Variants in SNX10 observed in about 807,000 individuals in gnomAD.
SNX10 encodes sorting nexin 10, also known as sorting nexin-10.
In SNX10, 25 loss-of-function variants were observed where a neutral mutation model predicts 28.5. The ratio of observed to expected loss-of-function variants is 0.88; its 90% CI spans 0.64 to 1.22. SNX10 has a LOEUF of 1.22. Among genes scored for constraint, SNX10 ranks in the 50% most tolerant of loss-of-function variants. The pLI is 0.00. For missense variants in SNX10, 223 were observed against 242.6 expected (o/e 0.92, Z 0.54); for synonymous variants, 62 against 81.4 (o/e 0.76, Z 1.28).
intron 2 of SNX10, among the ~76,000 whole-genome samples, chr7:26,356,267 C>T (rs1361698620): frequency 6.6e-6 from 1 of 152,178 alleles, no homozygotes; most frequent in African/African-American, 2.4e-5. Context: ...TTTAATTCCA[C>T]TCTGCCTGGC....
Position 26,309,279 on chromosome 7 carries a change from CAGTG to C in SNX10, c.-24+17196_-24+17199del, listed in dbSNP as rs543716828. 2.0e-5 allele frequency among the ~76,000 whole-genome samples: 3 copies of C among 151,862 alleles called. No individual in the cohort carries two copies. The East Asian group carries it at 5.8e-4, about 29-fold the overall frequency. On this transcript the variant is annotated intron_variant, in intron 1 of 6. Coordinates refer to ENST00000338523, the MANE Select transcript of SNX10 (RefSeq NM_013322.3). ...TCAGTGCAGTTCTTCTGGCACATCACAGTGAGCATTGCGTTAGAAGTGGCCTGTT... is the reference window on the plus strand; with the variant it reads ...TCAGTGCAGTTCTTCTGGCACATCACAGCATTGCGTTAGAAGTGGCCTGTT...
intron 1 of SNX10, among the ~76,000 whole-genome samples, chr7:26,324,234 G>A (rs981439313): frequency 1.3e-5 from 2 of 151,630 alleles, no homozygotes; most frequent in African/African-American, 4.8e-5. Flanking sequence ...TTGTGAAAAC[G>A]CTTATGATTA....
In SNX10 at chr7:26,347,406, G is replaced by C. The variant is rs1788431084; in HGVS notation, c.24+940G>C. ...AAAAATTGGGCTAGACGGGCATGGT[G>C]GCCTGTGCCTGTGGTCCTATGTACT... is the stretch of plus-strand genomic sequence containing the variant. On this transcript the variant is annotated intron_variant, in intron 2 of 6. Transcript: ENST00000338523. 2.6e-5 allele frequency among the ~76,000 whole-genome samples: 4 copies of C among 152,182 alleles called. No individual in the cohort carries two copies. In the South Asian group the frequency reaches 8.3e-4, roughly 32 times the overall value.
intron 1 of SNX10, among the ~76,000 whole-genome samples, chr7:26,334,312 AAG>A (rs1215936086): frequency 2.6e-5 from 4 of 152,224 alleles, no homozygotes; most frequent in East Asian, 1.9e-4. Context: ...ACAGTTTTTG[AAG>A]AGAGAGAATG....
chr7:26,340,788 A>G (rs1322790338), intron 1 of SNX10, among the ~76,000 whole-genome samples: 4 of 152,092 alleles, frequency 2.6e-5, no homozygotes, highest in Non-Finnish European at 4.4e-5. Flanking sequence ...TATTTTAGAG[A>G]CAGAGTCTCG....
intron 1 of SNX10, among the ~76,000 whole-genome samples, chr7:26,295,685 C>T (rs1290007805): frequency 1.3e-5 from 2 of 152,204 alleles, no homozygotes; most frequent in African/African-American, 4.8e-5. Flanking sequence ...GCCAGAGACC[C>T]CCAGCTCTCT....
At chr7:26,323,604 T>C (rs2128001174) in intron 1 of SNX10, among the ~76,000 whole-genome samples, 1 of 152,184 alleles carries the variant, frequency 6.6e-6, no homozygotes, top group Non-Finnish European at 1.5e-5. Context: ...TGGCAAGGGA[T>C]TTACCGTTTA....
chr7:26,318,404 A>G lies in SNX10; in HGVS notation c.-24+26318A>G, dbSNP rs187441637. ...AATAATATCGTTTTTTACACCTTCC[A>G]TTGTTCTTATATTTTGAAGAAAAAA... On this transcript the variant is annotated intron_variant, in intron 1 of 6. Coordinates refer to ENST00000338523, the MANE Select transcript of SNX10 (RefSeq NM_013322.3). Among the ~76,000 whole-genome samples, 499 of 152,234 alleles carry G rather than the reference A, an allele frequency of 3.3e-3. 1 individual carries two copies. Among genetic ancestry groups the G allele is most frequent in the Non-Finnish European group, 5.5e-3 (376 of 68,010 alleles).
chr7:26,304,692 G>A (rs990159846), intron 1 of SNX10, among the ~76,000 whole-genome samples: 1 of 152,228 alleles, frequency 6.6e-6, no homozygotes, highest in African/African-American at 2.4e-5. Flanking sequence ...AAGAACTTGA[G>A]CTGTATAAGG....
intron 1 of SNX10, among the ~76,000 whole-genome samples, chr7:26,301,518 C>A (rs1474049606): frequency 6.6e-6 from 1 of 152,100 alleles, no homozygotes; most frequent in East Asian, 1.9e-4. Context: ...AAGGGGGCAC[C>A]AAAGGCCAAA....
At chr7:26,372,227 C>T (rs1027704043) in intron 6 of SNX10, 194 bp downstream of exon 6, 45 of 593,998 alleles carry the variant, frequency 7.6e-5, no homozygotes, top group African/African-American at 4.3e-4. Context: ...CACCTCCACA[C>T]TGAATTAATG....
chr7:26,336,709 T>C (rs535714894), intron 1 of SNX10, among the ~76,000 whole-genome samples: 8 of 152,054 alleles, frequency 5.3e-5, no homozygotes, highest in Non-Finnish European at 1.0e-4. Context: ...TCTCAAAAAA[T>C]AACAACAAAA....
At chr7:26,312,022 C>T (rs1388979671) in intron 1 of SNX10, among the ~76,000 whole-genome samples, 1 of 152,024 alleles carries the variant, frequency 6.6e-6, no homozygotes, top group Non-Finnish European at 1.5e-5. Flanking sequence ...CTGCCTGCCT[C>T]GTCAGCTGTC....
At chr7:26,369,971 G>A (rs1025412414) in intron 5 of SNX10, among the ~76,000 whole-genome samples, 3 of 152,170 alleles carry the variant, frequency 2.0e-5, no homozygotes, top group Admixed American at 6.5e-5. Flanking sequence ...ATGAATTTGT[G>A]TCCAATATCA....
intron 1 of SNX10, among the ~76,000 whole-genome samples, chr7:26,315,222 C>T (rs1787028224): frequency 6.6e-6 from 1 of 152,062 alleles, no homozygotes; most frequent in South Asian, 2.1e-4. Context: ...TATTTGTTTA[C>T]AAGAGTTGAA....
At chr7:26,371,097 C>G (rs1584183594) in intron 5 of SNX10, among the ~76,000 whole-genome samples, 1 of 123,874 alleles carries the variant, frequency 8.1e-6, no homozygotes, top group Non-Finnish European at 1.5e-5. Flanking sequence ...GAAATCTGTT[C>G]TGTCTTTGTA....
chr7:26,309,605 C>T (rs1000685117), intron 1 of SNX10, among the ~76,000 whole-genome samples: 1 of 152,138 alleles, frequency 6.6e-6, no homozygotes, highest in Non-Finnish European at 1.5e-5. Context: ...TGGCTTCTCC[C>T]GGGTTCATGT....
intron 1 of SNX10, among the ~76,000 whole-genome samples, chr7:26,309,833 A>G (rs1194239295): frequency 1.3e-5 from 2 of 152,084 alleles, no homozygotes; most frequent in South Asian, 2.1e-4. Flanking sequence ...TCTTCACTTG[A>G]TCAGCTGCAC....
At chr7:26,294,578 T>G (rs756050682) in intron 1 of SNX10, among the ~76,000 whole-genome samples, 15 of 152,232 alleles carry the variant, frequency 9.9e-5, no homozygotes, top group Non-Finnish European at 1.5e-4. Flanking sequence ...AACAGACTTA[T>G]GAAGCAGATT....
Sources: gnomAD v4.1 joint callset for allele counts (sites outside exome capture counted in the v4.1 genomes callset) on GRCh38, gnomAD v4.1.1 for gene constraint, MANE v1.5 for transcripts, NCBI Gene and HGNC (gene_info 2026-07-23, HGNC 2026-07-21) for gene names.